DGKI: variants seen among roughly 807,000 people sequenced by gnomAD.
The protein encoded by DGKI is diacylglycerol kinase iota.
In DGKI, 55 loss-of-function variants were observed where a neutral mutation model predicts 147.5. The ratio of observed to expected loss-of-function variants is 0.37; its 90% CI spans 0.30 to 0.47. DGKI has a LOEUF of 0.47. Ranked by LOEUF, DGKI falls within the 20% of genes least tolerant of loss-of-function variation. The pLI is 1.00. For synonymous variants in DGKI, 469 were observed against 477.1 expected, an observed-to-expected ratio of 0.98 and a Z score of 0.22; for missense variants, 1,007 against 1,323.8, an observed-to-expected ratio of 0.76 and a Z score of 3.71.
rs537106107 is a variant in DGKI, at chr7:137,430,509, C to G, written c.2761+13568G>C. On this transcript the variant is annotated intron_variant, in intron 28 of 32. Coordinates refer to ENST00000614521, the MANE Select transcript of DGKI (RefSeq NM_001321708.2). Reference sequence around the variant, plus strand: ...GCATGGCACATGTATACATATGTAACTAACCTGCACATTGTGCACATGTAC... The same window carrying G: ...GCATGGCACATGTATACATATGTAAGTAACCTGCACATTGTGCACATGTAC... 1.8e-4 allele frequency among the ~76,000 whole-genome samples: 27 copies of G among 151,658 alleles called. No homozygotes were observed. The South Asian group carries it at 5.4e-3, about 30-fold the overall frequency.
intron 26 of DGKI, among the ~76,000 whole-genome samples, chr7:137,465,266 T>C (rs1345547086): frequency 6.6e-6 from 1 of 152,232 alleles, no homozygotes; most frequent in Non-Finnish European, 1.5e-5. Flanking sequence ...ATGACTATTA[T>C]TATTATTGTA....
intron 1 of DGKI, among the ~76,000 whole-genome samples, chr7:137,705,189 A>G (rs985486347): frequency 6.6e-6 from 1 of 152,162 alleles, no homozygotes; most frequent in African/African-American, 2.4e-5. Flanking sequence ...GACAACTATT[A>G]GACAGTTTTT....
intron 17 of DGKI, among the ~76,000 whole-genome samples, chr7:137,573,941 A>T (rs1031135496): frequency 1.3e-5 from 2 of 152,340 alleles, no homozygotes; most frequent in Middle Eastern, 3.4e-3. Context: ...ATGACTATAG[A>T]CTTTCCGATG....
At chr7:137,542,522 A>G (rs1027817449) in intron 20 of DGKI, among the ~76,000 whole-genome samples, 7 of 152,226 alleles carry the variant, frequency 4.6e-5, no homozygotes, top group Non-Finnish European at 1.0e-4. Context: ...AATGGACTAC[A>G]CATTGTATAC....
At chr7:137,451,673 C>T (rs1528104) in intron 27 of DGKI, among the ~76,000 whole-genome samples, 64,432 of 151,994 alleles carry the variant, frequency 0.42, 14,619 homozygotes, top group Non-Finnish European at 0.5. Context: ...ATGGGTGTCA[C>T]GACTATTTCA....
chr7:137,495,113 C>T (rs1815914164), intron 21 of DGKI, among the ~76,000 whole-genome samples: 3 of 152,050 alleles, frequency 2.0e-5, no homozygotes, highest in Admixed American at 6.6e-5. Context: ...TCAGAAGTGA[C>T]ACTTCTGACC....
At chr7:137,832,488 T>C (rs1453554599) in intron 1 of DGKI, among the ~76,000 whole-genome samples, 1 of 152,228 alleles carries the variant, frequency 6.6e-6, no homozygotes, top group Non-Finnish European at 1.5e-5. Context: ...GCTCAAGCTA[T>C]ACCTTGGCCC....
intron 1 of DGKI, among the ~76,000 whole-genome samples, chr7:137,843,783 A>T (rs2117118121): frequency 6.6e-6 from 1 of 151,382 alleles, no homozygotes; most frequent in African/African-American, 2.4e-5. Context: ...ACACACACAC[A>T]CACACACACA....
chr7:137,728,354 T>A (rs1794771317), intron 1 of DGKI, among the ~76,000 whole-genome samples: 1 of 152,120 alleles, frequency 6.6e-6, no homozygotes, highest in African/African-American at 2.4e-5. Context: ...AGAATTTTTC[T>A]ACCAGAGCTG....
intron 1 of DGKI, among the ~76,000 whole-genome samples, chr7:137,778,400 A>T (rs1398776164): frequency 2.6e-5 from 4 of 152,174 alleles, no homozygotes; most frequent in Admixed American, 2.6e-4. Context: ...AGCAATGAAG[A>T]GTCATTGATG....
rs1397135603 is a variant in DGKI, at chr7:137,605,977, G to C, written c.1167+2989C>G. Among the ~76,000 whole-genome samples the C allele has an allele frequency of 2.0e-4, 31 of 152,030 alleles. 1 individual carries two copies. The highest frequency in any genetic ancestry group is 2.9e-5 in the Non-Finnish European group (2 of 67,990). ...AGATTTGACATATTTCAAACACAAA[G>C]AAATGATAAATGTTTGAGGTGATAG... On this transcript the variant is annotated intron_variant, in intron 10 of 32. Transcript: ENST00000614521.
chr7:137,617,384 T>C (rs1354703081), intron 8 of DGKI, among the ~76,000 whole-genome samples: 2 of 152,068 alleles, frequency 1.3e-5, no homozygotes, highest in African/African-American at 4.8e-5. Context: ...AAGGCAGTTG[T>C]GAACTTTGGA....
chr7:137,650,968 T>C (rs116425097), intron 5 of DGKI, among the ~76,000 whole-genome samples: 312 of 152,272 alleles, frequency 2.0e-3, no homozygotes, highest in African/African-American at 7.4e-3. Flanking sequence ...AGAAAGTTCA[T>C]GTGGGAGCTG....
chr7:137,646,256 A>G (rs1821820262), intron 5 of DGKI, among the ~76,000 whole-genome samples: 1 of 152,226 alleles, frequency 6.6e-6, no homozygotes, highest in Non-Finnish European at 1.5e-5. Flanking sequence ...AATACAAGAC[A>G]TAGACGTGAG....
rs550966875 is a variant in DGKI, at chr7:137,823,130, C to A, written c.401+23332G>T. On this transcript the variant is annotated intron_variant, in intron 1 of 32. Coordinates refer to ENST00000614521, the MANE Select transcript of DGKI (RefSeq NM_001321708.2). The stretch of plus-strand genomic sequence containing the variant: ...TAGAGCGAAGAGATCTAAAAAGGTC[C>A]CAAAACCCATGAATATATGTACCTA... Among the ~76,000 whole-genome samples the A allele has an allele frequency of 7.4e-4, 112 of 151,046 alleles. 1 individual carries two copies. Among genetic ancestry groups the A allele is most frequent in the African/African-American group, 2.5e-3 (104 of 41,282 alleles).
chr7:137,729,451 A>AAAGAGACT (rs1235680501), intron 1 of DGKI, among the ~76,000 whole-genome samples: 1 of 152,170 alleles, frequency 6.6e-6, no homozygotes, highest in African/African-American at 2.4e-5. Flanking sequence ...GTCTCCTAGC[A>AAAGAGACT]AAGAGACTCC....
chr7:137,589,231 G>A (rs1353406520), intron 12 of DGKI, among the ~76,000 whole-genome samples: 2 of 152,236 alleles, frequency 1.3e-5, no homozygotes, highest in African/African-American at 4.8e-5. Flanking sequence ...CAGAGTCATG[G>A]TAACGTTGGT....
chr7:137,612,964 T>C (rs1401983076), intron 8 of DGKI, among the ~76,000 whole-genome samples: 5 of 152,124 alleles, frequency 3.3e-5, no homozygotes, highest in Non-Finnish European at 7.4e-5. Flanking sequence ...AAAAGGCTTT[T>C]TGTTTTCCTG....
intron 3 of DGKI, among the ~76,000 whole-genome samples, chr7:137,673,374 T>G (rs1325373895): frequency 6.6e-6 from 1 of 152,300 alleles, no homozygotes; most frequent in East Asian, 1.9e-4. Flanking sequence ...GAGAATCATC[T>G]GTAGATCTGG....
Sources: allele counts gnomAD v4.1 joint callset (sites outside exome capture counted in the v4.1 genomes callset), GRCh38; gene constraint gnomAD v4.1.1; transcripts MANE v1.5; gene names NCBI Gene and HGNC (gene_info 2026-07-23, HGNC 2026-07-21).